DNAH1: variants seen among roughly 807,000 people sequenced by gnomAD.
DNAH1 encodes the protein axonemal beta dynein heavy chain 1.
A neutral mutation model predicts 484.3 loss-of-function variants in DNAH1; 327 were observed. That is an observed-to-expected ratio of 0.68 (90% CI 0.62 to 0.74). The LOEUF (loss-of-function observed/expected upper bound fraction) is 0.74. DNAH1 is among the 30% of genes least tolerant of loss of function. The pLI is 0.00. For synonymous variants in DNAH1, 2,192 were observed against 2,191.9 expected, an observed-to-expected ratio of 1.00 and a Z score of 0.00; for missense variants, 5,052 against 5,546.8, an observed-to-expected ratio of 0.91 and a Z score of 2.83.
At position 52,391,014 on chromosome 3, in the gene DNAH1, T is replaced by C. The variant is rs1294180889; in HGVS notation, c.9701T>C (p.Ile3234Thr). 1.3e-6 allele frequency: 2 copies of C among 1,556,052 alleles called. No homozygotes were observed. Among genetic ancestry groups the C allele is most frequent in the East Asian group, 2.4e-5 (1 of 41,248 alleles). Reference protein sequence around the residue: ...NQFSQRWTHFIDPQSQANKWI... With the variant: ...NQFSQRWTHFTDPQSQANKWI... ...TTTTCCCAGCGCTGGACCCACTTCA[T>C]TGACCCTCAGAGCCAGGCCAACAAA... The change falls in exon 61 of 78, where the codon ATT (isoleucine) becomes ACT (threonine). Residue 3234 changes from isoleucine (I) to threonine (T), a missense_variant. Physicochemically the swap from Ile to Thr is moderately conservative, Grantham distance 89 (BLOSUM62 -1). Transcript: ENST00000420323.
At position 52,396,597 on chromosome 3, in the gene DNAH1, CCT is replaced by C; in HGVS notation, c.11431-20_11431-19del. 1 of 1,611,216 alleles carries C rather than the reference CCT, an allele frequency of 6.2e-7. No individual in the cohort carries two copies. The highest frequency in any genetic ancestry group is 8.5e-7 in the Non-Finnish European group (1 of 1,177,824). ...GCCCCCGTCCCCGCTCCTCACCTCC[CCT>C]GCCTCCCACCTCCCCCAGGTGATGG... On this transcript the variant is annotated intron_variant, in intron 71 of 77. Coordinates refer to ENST00000420323, the MANE Select transcript of DNAH1 (RefSeq NM_015512.5).
In DNAH1 at chr3:52,389,505, C is replaced by T. The variant is rs755733303; in HGVS notation, c.9540C>T (p.Leu3180=). Residue 3180 remains leucine, a synonymous_variant, in exon 60 of 78, where the codon CTC becomes CTT. Transcript: ENST00000420323. The part of the protein sequence containing the change: ...TVLYDSWVKQ[L]RSHNVPHTSE... The stretch of plus-strand genomic sequence containing the variant: ...TCTACGACAGCTGGGTCAAGCAGCT[C>T]AGGAGCCACAATGTCCCACACACCT... 1.2e-6 allele frequency: 2 copies of T among 1,601,212 alleles called. No individual in the cohort carries two copies. The highest frequency in any genetic ancestry group is 1.7e-6 in the Non-Finnish European group (2 of 1,174,462).
Position 52,351,972 on chromosome 3 carries a change from A to G in DNAH1, c.2740A>G (p.Ser914Gly). ...SDDFNDKWIA[S>G]NWPSKILGQI... ...CCCCATCCCGGCCAGATGGATTGCC[A>G]GCAACTGGCCTTCTAAGATCCTTGG... is the stretch of plus-strand genomic sequence containing the variant. Residue 914 changes from serine to glycine, a missense_variant, in exon 17 of 78, where the codon AGC becomes GGC. Ser to Gly is a moderately conservative substitution (Grantham distance 56). Transcript: ENST00000420323. The G allele has an allele frequency of 2.5e-6, 4 of 1,602,348 alleles. No homozygotes were observed. Among genetic ancestry groups the G allele is most frequent in the Non-Finnish European group, 3.4e-6 (4 of 1,174,780 alleles).
Position 52,344,474 on chromosome 3 carries a change from C to G in DNAH1, c.1287-16C>G. On this transcript the variant is annotated splice_polypyrimidine_tract_variant and intron_variant, in intron 8 of 77. Coordinates refer to ENST00000420323, the MANE Select transcript of DNAH1 (RefSeq NM_015512.5). Reference sequence around the variant, plus strand: ...GTGGAGCCCCTGATTCCCCCATCTCCCATCTCTATGGGCAGGGTTCTAGAG... The same window carrying G: ...GTGGAGCCCCTGATTCCCCCATCTCGCATCTCTATGGGCAGGGTTCTAGAG... 6.2e-7 allele frequency: 1 copy of G among 1,610,314 alleles called. No homozygotes were observed. Among genetic ancestry groups the G allele is most frequent in the South Asian group, 1.1e-5 (1 of 90,900 alleles).
intron 63 of DNAH1, 108 bp downstream of exon 63, chr3:52,391,711 A>T: frequency 1.5e-6 from 2 of 1,345,096 alleles, no homozygotes; most frequent in Non-Finnish European, 2.1e-6. Flanking sequence ...CCCCCACTCA[A>T]AGTCTCCACC....
At chr3:52,367,792 C>T (rs926769695) in intron 36 of DNAH1, among the ~76,000 whole-genome samples, 2 of 152,174 alleles carry the variant, frequency 1.3e-5, no homozygotes, top group Non-Finnish European at 2.9e-5. Flanking sequence ...AGGCTGGCCT[C>T]GAACTCCCTA....
rs948600035 is a variant in DNAH1, at chr3:52,395,154, G to T, written c.10968+95G>T. Reference sequence around the variant, plus strand: ...TGCATCTGGATAGACTACTTGGCCAGGCCAGGACCCCTGCTTGCTCCCTAA... The same window carrying T: ...TGCATCTGGATAGACTACTTGGCCATGCCAGGACCCCTGCTTGCTCCCTAA... On this transcript the variant is annotated intron_variant, in intron 68 of 77. Coordinates refer to ENST00000420323, the MANE Select transcript of DNAH1 (RefSeq NM_015512.5). This position sits in a 1 kb window ranked among gnomAD's most constrained non-coding sequence, Gnocchi z 4.4. 9.3e-6 allele frequency: 14 copies of T among 1,511,952 alleles called. No individual in the cohort carries two copies. The African/African-American group carries it at 1.8e-4, about 19-fold the overall frequency. 93.7% of individuals were successfully genotyped at this position (1,511,952 alleles called of 1,614,324 possible).
intron 46 of DNAH1, among the ~76,000 whole-genome samples, chr3:52,376,633 T>A (rs1703616870): frequency 6.6e-6 from 1 of 152,168 alleles, no homozygotes; most frequent in African/African-American, 2.4e-5. Flanking sequence ...CCTTCGCCAC[T>A]GGGCCTTCCA....
chr3:52,349,450 C>T (rs374100034), intron 14 of DNAH1, 30 bp downstream of exon 14: 1 of 1,592,552 alleles, frequency 6.3e-7, no homozygotes, highest in Non-Finnish European at 8.6e-7. Flanking sequence ...GCCTCAGTGA[C>T]CACAGCAGCA....
At chr3:52,328,165 CA>C (rs1218303878) in intron 6 of DNAH1, among the ~76,000 whole-genome samples, 151 bp downstream of exon 6, 2 of 152,146 alleles carry the variant, frequency 1.3e-5, no homozygotes, top group African/African-American at 4.8e-5. Flanking sequence ...AAGCTGGCCT[CA>C]CAGAGGCAGG....
Position 52,395,501 on chromosome 3 carries a change from G to C in DNAH1, c.11127+35G>C, listed in dbSNP as rs1203740732. ...AGGCAGGGAGGAAGGGAGTGGGCTG[G>C]GGGGTGGGCAAGCTGGCCCCCTGCT... On this transcript the variant is annotated intron_variant, in intron 69 of 77. Coordinates refer to ENST00000420323, the MANE Select transcript of DNAH1 (RefSeq NM_015512.5). This position sits in a 1 kb window ranked among gnomAD's most constrained non-coding sequence, Gnocchi z 4.4. 3 of 1,613,274 alleles carry C rather than the reference G, an allele frequency of 1.9e-6. No homozygotes were observed. Among genetic ancestry groups the C allele is most frequent in the Non-Finnish European group, 2.5e-6 (3 of 1,179,628 alleles).
chr3:52,376,892 C>T (rs765941279), intron 46 of DNAH1, among the ~76,000 whole-genome samples: 1 of 151,944 alleles, frequency 6.6e-6, no homozygotes, highest in Non-Finnish European at 1.5e-5. Context: ...CTTGTTCTCG[C>T]CTTCCCAGGG....
At chr3:52,345,123 C>T (rs1338466808) in intron 9 of DNAH1, among the ~76,000 whole-genome samples, 1 of 152,174 alleles carries the variant, frequency 6.6e-6, no homozygotes, top group Non-Finnish European at 1.5e-5. Context: ...GTGGGCATTC[C>T]AAGAGGTTCT....
At chr3:52,342,860 A>G (rs2153223625) in intron 8 of DNAH1, among the ~76,000 whole-genome samples, 1 of 152,302 alleles carries the variant, frequency 6.6e-6, no homozygotes, top group Middle Eastern at 3.4e-3. Flanking sequence ...CTGGTGGATA[A>G]ATGAAGGGAG....
chr3:52,388,052 G>A (rs1704184947), intron 56 of DNAH1, 115 bp from the exon 57 acceptor site: 1 of 1,323,536 alleles, frequency 7.6e-7, no homozygotes, highest in Non-Finnish European at 1.0e-6. Flanking sequence ...CTGTACTGAG[G>A]CCTGCACAGG....
intron 1 of DNAH1, among the ~76,000 whole-genome samples, chr3:52,318,451 A>G (rs1039188580): frequency 2.0e-5 from 3 of 152,070 alleles, no homozygotes; most frequent in Admixed American, 6.6e-5. Flanking sequence ...CAGCTACCCA[A>G]TCCTTCTCCA....
chr3:52,327,741 G>A, intron 5 of DNAH1, 141 bp from the exon 6 acceptor site: 1 of 920,620 alleles, frequency 1.1e-6, no homozygotes, highest in South Asian at 1.7e-5. Context: ...CCAGTGGAGA[G>A]GGTCAGCCCC....
chr3:52,361,642 A>G lies in DNAH1; in HGVS notation c.4875-19A>G, dbSNP rs747836895. The stretch of plus-strand genomic sequence containing the variant: ...GCTCTGAACACATGTGCCCCATCCA[A>G]TGTTCCGGCCTCACTCAGTGCTGGG... On this transcript the variant is annotated intron_variant, in intron 29 of 77. Transcript: ENST00000420323. The surrounding 1 kb of genome is among the most constrained non-coding windows in gnomAD (Gnocchi z 5.6). 16 of 1,585,440 alleles carry G rather than the reference A, an allele frequency of 1.0e-5. No homozygotes were observed. Among genetic ancestry groups the G allele is most frequent in the Non-Finnish European group, 1.4e-5 (16 of 1,165,970 alleles).
Position 52,358,835 on chromosome 3 carries a change from GC to G in DNAH1, c.4266+101del. On this transcript the variant is annotated intron_variant, in intron 25 of 77. Coordinates refer to ENST00000420323, the MANE Select transcript of DNAH1 (RefSeq NM_015512.5). This position sits in a 1 kb window ranked among gnomAD's most constrained non-coding sequence, Gnocchi z 4.2. ...TAGCCGGCCTCGTCCTCAGGCTGCA[GC>G]CCTGAGGTCCCTGGGGGCTCAGGCG... The G allele has an allele frequency of 1.4e-6, 2 of 1,442,416 alleles. No homozygotes were observed. The highest frequency in any genetic ancestry group is 1.4e-5 in the African/African-American group (1 of 69,784). The allele number at this position is 1,442,416 out of a possible 1,614,324, so 89.4% of individuals were successfully genotyped here.
Sources: allele counts gnomAD v4.1 joint callset (sites outside exome capture counted in the v4.1 genomes callset), GRCh38; gene constraint gnomAD v4.1.1; non-coding constraint Gnocchi (gnomAD v3.1); transcripts MANE v1.5; gene names NCBI Gene and HGNC (gene_info 2026-07-23, HGNC 2026-07-21).